The following CYP20A1 variants were observed in gnomAD, a reference collection of about 807,000 sequenced individuals.
CYP20A1 encodes the protein cytochrome P450 family 20 subfamily A member 1, also known as cytochrome P450 20A1.
A neutral mutation model predicts 61.4 loss-of-function variants in CYP20A1; 61 were observed. The ratio of observed to expected loss-of-function variants is 0.99; its 90% CI spans 0.81 to 1.23. The LOEUF (loss-of-function observed/expected upper bound fraction) is 1.23, where lower values mean the gene tolerates loss of function less well. CYP20A1 is among the 50% of genes most tolerant of loss of function. The probability of loss-of-function intolerance (pLI) is 0.00; values close to 1 mark genes in which losing one functional copy is unlikely to be tolerated. For synonymous variants in CYP20A1, 193 were observed against 188.2 expected (o/e 1.03, Z -0.21); for missense variants, 530 against 542.4 (o/e 0.98, Z 0.23).
In CYP20A1 at chr2:203,299,777, A is replaced by G. The variant is rs1459342491; in HGVS notation, c.*2869A>G. Among the ~76,000 whole-genome samples, 2 of 152,030 alleles carry G rather than the reference A, an allele frequency of 1.3e-5. No homozygotes were observed. Among genetic ancestry groups the G allele is most frequent in the Non-Finnish European group, 2.9e-5 (2 of 67,998 alleles). ...TAATACCAGCTACTCGGGAGGCTGA[A>G]GCAGGAGAACTGCTTGAACCTGGGA... On this transcript the variant is annotated 3_prime_UTR_variant, in exon 13 of 13. Coordinates refer to ENST00000356079, the MANE Select transcript of CYP20A1 (RefSeq NM_177538.3).
intron 7 of CYP20A1, among the ~76,000 whole-genome samples, chr2:203,278,974 T>A (rs759712245): frequency 2.6e-5 from 4 of 152,164 alleles, no homozygotes; most frequent in Non-Finnish European, 5.9e-5. Flanking sequence ...TTTGTTGTTG[T>A]TGTTGTTTTG....
At chr2:203,264,039 G>C (rs558413151) in intron 4 of CYP20A1, among the ~76,000 whole-genome samples, 1 of 152,158 alleles carries the variant, frequency 6.6e-6, no homozygotes, top group Non-Finnish European at 1.5e-5. Context: ...TTCTTGCTCT[G>C]TCACCCAGGC....
At chr2:203,250,088 A>T (rs966399245) in intron 3 of CYP20A1, among the ~76,000 whole-genome samples, 1 of 152,228 alleles carries the variant, frequency 6.6e-6, no homozygotes, top group Non-Finnish European at 1.5e-5. Flanking sequence ...GTTGACAGTA[A>T]CCATTGACCT....
chr2:203,277,308 A>G, intron 6 of CYP20A1, among the ~76,000 whole-genome samples: 1 of 151,506 alleles, frequency 6.6e-6, no homozygotes, highest in Non-Finnish European at 1.5e-5. Flanking sequence ...AGATTGCGCC[A>G]CTGCACCCCA....
At position 203,302,800 on chromosome 2, in the gene CYP20A1, C is replaced by T. The variant is rs1446590425; in HGVS notation, c.*5892C>T. On this transcript the variant is annotated 3_prime_UTR_variant, in exon 13 of 13. Coordinates refer to ENST00000356079, the MANE Select transcript of CYP20A1 (RefSeq NM_177538.3). ...CTCTGCCTCCCAGGTTCAAGCGATT[C>T]TCTTGCCTCAGCCTTTTGAGTAACT... 5.3e-5 allele frequency among the ~76,000 whole-genome samples: 8 copies of T among 152,136 alleles called. No individual in the cohort carries two copies. The highest frequency in any genetic ancestry group is 1.9e-4 in the African/African-American group (8 of 41,494).
intron 1 of CYP20A1, among the ~76,000 whole-genome samples, chr2:203,240,310 G>A (rs1211934927): frequency 2.6e-5 from 4 of 152,186 alleles, no homozygotes; most frequent in Non-Finnish European, 5.9e-5. Context: ...AACAATTTTA[G>A]TGGTTCTTGA....
chr2:203,271,052 GTGTATATATATA>G (rs1356499075), intron 5 of CYP20A1, among the ~76,000 whole-genome samples: 2,260 of 45,502 alleles, frequency 0.05, 162 homozygotes, highest in Middle Eastern at 0.087. Context: ...ATATGTATAT[GTGTATATATATA>G]TATATATATA....
Position 203,278,615 on chromosome 2 carries a change from A to T in CYP20A1, c.722A>T (p.Glu241Val), listed in dbSNP as rs763830571. The T allele has an allele frequency of 1.4e-5, 22 of 1,607,954 alleles. No individual in the cohort carries two copies. Among genetic ancestry groups the T allele is most frequent in the Non-Finnish European group, 1.9e-5 (22 of 1,177,414 alleles). ...TCTGTTTTAAGGAACATCATAAAAG[A>T]ACGAAAAGGAAGGAACTTCAGTCAA... is the stretch of plus-strand genomic sequence containing the variant. Reference protein sequence around the residue: ...LESVLRNIIKERKGRNFSQHI... With the variant: ...LESVLRNIIKVRKGRNFSQHI... Residue 241 changes from glutamate to valine, a missense_variant, in exon 7 of 13, where the codon GAA becomes GTA. Transcript: ENST00000356079.
chr2:203,261,366 T>C (rs2067130295), intron 4 of CYP20A1, among the ~76,000 whole-genome samples: 1 of 151,736 alleles, frequency 6.6e-6, no homozygotes, highest in Non-Finnish European at 1.5e-5. Context: ...AAGACCATCC[T>C]GGGCAAAATG....
chr2:203,294,945 T>A (rs2068720402), intron 11 of CYP20A1, among the ~76,000 whole-genome samples: 1 of 20,552 alleles, frequency 4.9e-5, no homozygotes, highest in African/African-American at 9.7e-5. Flanking sequence ...AAAAAAATTT[T>A]TTTTTTTTTT....
chr2:203,296,463 T>A lies in CYP20A1; in HGVS notation c.1149-11T>A, dbSNP rs770566522. 1.3e-6 allele frequency: 2 copies of A among 1,593,370 alleles called. No homozygotes were observed. Among genetic ancestry groups the A allele is most frequent in the Non-Finnish European group, 1.7e-6 (2 of 1,164,496 alleles). Reference sequence around the variant, plus strand: ...AGCTATATTGTGATTAACCTCAAATTTTCTTTGTAGGTTTGATCCAGATCG... The same window carrying A: ...AGCTATATTGTGATTAACCTCAAATATTCTTTGTAGGTTTGATCCAGATCG... On this transcript the variant is annotated splice_polypyrimidine_tract_variant and intron_variant, in intron 11 of 12. Transcript: ENST00000356079.
intron 1 of CYP20A1, among the ~76,000 whole-genome samples, chr2:203,241,644 A>G (rs550069798): frequency 6.6e-6 from 1 of 152,250 alleles, no homozygotes; most frequent in South Asian, 2.1e-4. Flanking sequence ...TAATAATTTG[A>G]TAACATTGGT....
rs1054651682 is a variant in CYP20A1 at position 203,300,035 on chromosome 2, A to G, written c.*3127A>G. 6.6e-6 allele frequency among the ~76,000 whole-genome samples: 1 copy of G among 152,202 alleles called. No individual in the cohort carries two copies. Among genetic ancestry groups the G allele is most frequent in the Non-Finnish European group, 1.5e-5 (1 of 68,036 alleles). ...AGGTTAGAGTAGCCAATTGATATGT[A>G]AACCAAGTGTCAGATCAGATGAGAT... is the stretch of plus-strand genomic sequence containing the variant. On this transcript the variant is annotated 3_prime_UTR_variant, in exon 13 of 13. Transcript: ENST00000356079.
intron 1 of CYP20A1, among the ~76,000 whole-genome samples, chr2:203,244,805 T>C (rs1470877190): frequency 2.7e-5 from 4 of 149,748 alleles, no homozygotes; most frequent in African/African-American, 9.9e-5. Flanking sequence ...CGATCTAGGC[T>C]CACTGCAAGC....
chr2:203,296,708 A>C, intron 12 of CYP20A1, 50 bp from the exon 13 acceptor site: 1 of 1,552,840 alleles, frequency 6.4e-7, no homozygotes, highest in Non-Finnish European at 8.6e-7. Flanking sequence ...GTGCAGGTTT[A>C]AAGTATAATT....
rs751393499 is a variant in CYP20A1 at position 203,272,760 on chromosome 2, CA to C, written c.679+13del. On this transcript the variant is annotated intron_variant, in intron 6 of 12. Transcript: ENST00000356079. Reference sequence around the variant, plus strand: ...ACAATATGAAGATGGTAAGTTTGGTCACTTAATTTTTAGTGAGGACAAAAAA... The same window carrying C: ...ACAATATGAAGATGGTAAGTTTGGTCCTTAATTTTTAGTGAGGACAAAAAA... 1 of 1,545,068 alleles carries C rather than the reference CA, an allele frequency of 6.5e-7. No individual in the cohort carries two copies. The highest frequency in any genetic ancestry group is 8.8e-7 in the Non-Finnish European group (1 of 1,133,186).
At chr2:203,257,377 A>T (rs2066932713) in intron 4 of CYP20A1, among the ~76,000 whole-genome samples, 1 of 151,654 alleles carries the variant, frequency 6.6e-6, no homozygotes. Context: ...TCCCTCTTCT[A>T]TAACTTTGTT....
rs1304413294 is a variant in CYP20A1, at chr2:203,271,062, A to G, written c.601-1608A>G. 5.2e-3 allele frequency among the ~76,000 whole-genome samples: 302 copies of G among 58,582 alleles called. 4 individuals are homozygous for G. The highest frequency in any genetic ancestry group is 0.019 in the African/African-American group (277 of 14,896). 38.4% of individuals were successfully genotyped at this position (58,582 alleles called of 152,430 possible). On this transcript the variant is annotated intron_variant, in intron 5 of 12. Coordinates refer to ENST00000356079, the MANE Select transcript of CYP20A1 (RefSeq NM_177538.3). ...TATATATATGTATATGTGTATATAT[A>G]TATATATATATATATATATATTTTT...
chr2:203,271,082 ATTTTTTTTTT>A (rs1161241853), intron 5 of CYP20A1, among the ~76,000 whole-genome samples: 3 of 31,632 alleles, frequency 9.5e-5, no homozygotes, highest in East Asian at 1.7e-3. Context: ...ATATATATAT[ATTTTTTTTTT>A]TTTTTTTTTT....
Sources: gnomAD v4.1 joint callset for allele counts (sites outside exome capture counted in the v4.1 genomes callset) on GRCh38, gnomAD v4.1.1 for gene constraint, MANE v1.5 for transcripts, NCBI Gene and HGNC (gene_info 2026-07-23, HGNC 2026-07-21) for gene names.